Variants in PIEZO2 observed in about 807,000 individuals in gnomAD.
PIEZO2 encodes the protein piezo type mechanosensitive ion channel component 2, also known as piezo-type mechanosensitive ion channel component 2.
In PIEZO2, 172 loss-of-function variants were observed where a neutral mutation model predicts 337.3. The observed-to-expected ratio is 0.51, with a 90% CI of 0.45 to 0.58. The LOEUF (loss-of-function observed/expected upper bound fraction) is 0.58, where lower values mean the gene tolerates loss of function less well. Among genes scored for constraint, PIEZO2 ranks in the 20% least tolerant of loss-of-function variants. PIEZO2 has a pLI of 0.00. For synonymous variants in PIEZO2, 1,251 were observed against 1,228.5 expected (o/e 1.02, Z -0.38); for missense variants, 3,028 against 3,391.3 (o/e 0.89, Z 2.66).
chr18:11,008,652 AG>A (rs1173129103), intron 2 of PIEZO2, among the ~76,000 whole-genome samples: 1 of 152,220 alleles, frequency 6.6e-6, no homozygotes, highest in Non-Finnish European at 1.5e-5. Context: ...TGTGGTCCAA[AG>A]TTCCATCTTC....
intron 3 of PIEZO2, among the ~76,000 whole-genome samples, chr18:10,963,153 C>T (rs2033855694): frequency 6.6e-6 from 1 of 151,998 alleles, no homozygotes; most frequent in African/African-American, 2.4e-5. Flanking sequence ...GGCACGGTGG[C>T]ATGCTTCTGT....
In PIEZO2 at chr18:10,746,928, G is replaced by A. The variant is rs1432362842; in HGVS notation, c.4424+1543C>T. Among the ~76,000 whole-genome samples, 1 of 152,164 alleles carries A rather than the reference G, an allele frequency of 6.6e-6. No homozygotes were observed. Among genetic ancestry groups the A allele is most frequent in the Non-Finnish European group, 1.5e-5 (1 of 68,034 alleles). ...CCCAAATGGACTGAGACGATACCAG[G>A]TGTACTGTAGTAGAATTGCTTGCTC... On this transcript the variant is annotated intron_variant, in intron 30 of 55. Transcript: ENST00000674853. The surrounding 1 kb of genome is among the most constrained non-coding windows in gnomAD (Gnocchi z 4.2).
In PIEZO2 at chr18:11,070,179, A is replaced by C. The variant is rs1598912321; in HGVS notation, c.65-3957T>G. 6.6e-6 allele frequency among the ~76,000 whole-genome samples: 1 copy of C among 152,306 alleles called. No individual in the cohort carries two copies. Among genetic ancestry groups the C allele is most frequent in the South Asian group, 2.1e-4 (1 of 4,828 alleles). On this transcript the variant is annotated intron_variant, in intron 1 of 55. Coordinates refer to ENST00000674853, the MANE Select transcript of PIEZO2 (RefSeq NM_001378183.1). The surrounding 1 kb of genome is among the most constrained non-coding windows in gnomAD (Gnocchi z 4.3). Reference sequence around the variant, plus strand: ...GTAGCCTACTGCTCCTAGGCCAAAAACCTATGCAGCATATGTTACTGTGCT... The same window carrying C: ...GTAGCCTACTGCTCCTAGGCCAAAACCCTATGCAGCATATGTTACTGTGCT...
chr18:10,989,172 G>A (rs923488480), intron 2 of PIEZO2, among the ~76,000 whole-genome samples: 15 of 151,932 alleles, frequency 9.9e-5, no homozygotes, highest in Non-Finnish European at 1.6e-4. Flanking sequence ...CTTTGATGGC[G>A]GCAATGATTT....
Position 10,677,708 on chromosome 18 carries a change from AC to A in PIEZO2, c.8081+38del, listed in dbSNP as rs1477653355. 8 of 1,595,138 alleles carry A rather than the reference AC, an allele frequency of 5.0e-6. No individual in the cohort carries two copies. The African/African-American group carries it at 8.1e-5, about 16-fold the overall frequency. ...TGGACATTTTGTACCAGCTGCATAT[AC>A]CTAACAAAGCTCTATTAGTAGGAAA... On this transcript the variant is annotated intron_variant, in intron 53 of 55. Transcript: ENST00000674853. The surrounding 1 kb of genome is among the most constrained non-coding windows in gnomAD (Gnocchi z 4.1).
chr18:11,045,711 A>T (rs971861453), intron 2 of PIEZO2, among the ~76,000 whole-genome samples: 8 of 152,200 alleles, frequency 5.3e-5, no homozygotes, highest in African/African-American at 1.9e-4. Context: ...TTGATCTGGG[A>T]TTACAGATAC....
At chr18:10,970,438 G>A (rs771383299) in intron 3 of PIEZO2, among the ~76,000 whole-genome samples, 7 of 152,170 alleles carry the variant, frequency 4.6e-5, no homozygotes, top group Non-Finnish European at 8.8e-5. Flanking sequence ...ACCCTCCATG[G>A]GTGACCCTGG....
At chr18:10,703,791 C>T (rs2035443034) in intron 42 of PIEZO2, among the ~76,000 whole-genome samples, 1 of 152,116 alleles carries the variant, frequency 6.6e-6, no homozygotes, top group Non-Finnish European at 1.5e-5. Context: ...GCTCCTCATA[C>T]CCCGCATGGG....
chr18:11,067,598 T>C (rs576168112), intron 1 of PIEZO2, among the ~76,000 whole-genome samples: 2 of 152,322 alleles, frequency 1.3e-5, no homozygotes, highest in East Asian at 1.9e-4. Context: ...GCTAGACTTA[T>C]ATCAGATAAA....
intron 4 of PIEZO2, among the ~76,000 whole-genome samples, chr18:10,879,179 C>A (rs2042344921): frequency 6.6e-6 from 1 of 152,158 alleles, no homozygotes; most frequent in Non-Finnish European, 1.5e-5. Flanking sequence ...TTATTTCAAG[C>A]CAATTCTGCA....
chr18:10,791,160 T>A, intron 14 of PIEZO2, 41 bp downstream of exon 14: 1 of 1,484,678 alleles, frequency 6.7e-7, no homozygotes, highest in Non-Finnish European at 8.9e-7. Context: ...GTAATTTTGC[T>A]GAGCACCAAA....
chr18:10,990,280 A>T (rs1004628146), intron 2 of PIEZO2, among the ~76,000 whole-genome samples: 1 of 152,204 alleles, frequency 6.6e-6, no homozygotes, highest in African/African-American at 2.4e-5. Flanking sequence ...AATGTGTGTG[A>T]GACACATTTG....
In PIEZO2 at chr18:10,782,419, T is replaced by C. The variant is rs1242897676; in HGVS notation, c.2493-2053A>G. Among the ~76,000 whole-genome samples the C allele has an allele frequency of 1.0e-3, 65 of 64,508 alleles. 1 individual carries two copies. Among genetic ancestry groups the C allele is most frequent in the Middle Eastern group, 0.017 (2 of 116 alleles). The allele number at this position is 64,508 out of a possible 152,430, so 42.3% of individuals were successfully genotyped here. On this transcript the variant is annotated intron_variant, in intron 17 of 55. Coordinates refer to ENST00000674853, the MANE Select transcript of PIEZO2 (RefSeq NM_001378183.1). Reference sequence around the variant, plus strand: ...TAAATAATTATATAATATATTATAATTATATATAAATAATTATATAATATA... The same window carrying C: ...TAAATAATTATATAATATATTATAACTATATATAAATAATTATATAATATA...
chr18:10,974,640 C>A (rs2034370226), intron 3 of PIEZO2, among the ~76,000 whole-genome samples: 1 of 152,198 alleles, frequency 6.6e-6, no homozygotes. Flanking sequence ...CCAGACAGAT[C>A]CGTGCTCAGA....
chr18:11,081,980 G>C (rs1215396722), intron 1 of PIEZO2, among the ~76,000 whole-genome samples: 1 of 151,978 alleles, frequency 6.6e-6, no homozygotes, highest in Non-Finnish European at 1.5e-5. Flanking sequence ...GGCTGATCTC[G>C]AGCTCCTGAC....
chr18:10,934,576 T>C (rs1328401762), intron 3 of PIEZO2, among the ~76,000 whole-genome samples: 1 of 151,924 alleles, frequency 6.6e-6, no homozygotes, highest in Admixed American at 6.6e-5. Context: ...AGTCAGTAAC[T>C]TGAGTTGTGT....
chr18:11,139,012 G>A (rs2146272742), intron 1 of PIEZO2, among the ~76,000 whole-genome samples: 1 of 152,284 alleles, frequency 6.6e-6, no homozygotes, highest in East Asian at 1.9e-4. Context: ...CGATGAGAAG[G>A]AACTCACACT....
At chr18:11,118,166 G>A (rs1013846959) in intron 1 of PIEZO2, among the ~76,000 whole-genome samples, 11 of 152,114 alleles carry the variant, frequency 7.2e-5, no homozygotes, top group African/African-American at 2.7e-4. Flanking sequence ...GGGTACAGAT[G>A]TCCCTACAAA....
rs1340756524 is a variant in PIEZO2, at chr18:11,035,186, G to A, written c.160+30941C>T. On this transcript the variant is annotated intron_variant, in intron 2 of 55. Coordinates refer to ENST00000674853, the MANE Select transcript of PIEZO2 (RefSeq NM_001378183.1). This position sits in a 1 kb window ranked among gnomAD's most constrained non-coding sequence, Gnocchi z 4.3. ...CCTCTCTCCAATTTCTTGTTGAAAT[G>A]TGATCCCCAATATTGGACATGGGGC... Among the ~76,000 whole-genome samples the A allele has an allele frequency of 2.6e-5, 4 of 152,208 alleles. No homozygotes were observed. Among genetic ancestry groups the A allele is most frequent in the African/African-American group, 4.8e-5 (2 of 41,458 alleles).
Sources: allele counts gnomAD v4.1 joint callset (sites outside exome capture counted in the v4.1 genomes callset), GRCh38; gene constraint gnomAD v4.1.1; non-coding constraint Gnocchi (gnomAD v3.1); transcripts MANE v1.5; gene names NCBI Gene and HGNC (gene_info 2026-07-23, HGNC 2026-07-21).